ERAP2: variants seen among roughly 807,000 people sequenced by gnomAD.
ERAP2 encodes endoplasmic reticulum aminopeptidase 2.
In ERAP2, 118 loss-of-function variants were observed where a neutral mutation model predicts 111.1. That is an observed-to-expected ratio of 1.06 (90% confidence interval 0.92 to 1.24). The LOEUF (loss-of-function observed/expected upper bound fraction) is 1.24. Ranked by LOEUF, ERAP2 falls within the 50% of genes most tolerant of loss-of-function variation. The probability of loss-of-function intolerance (pLI) is 0.00; values close to 1 mark genes in which losing one functional copy is unlikely to be tolerated. For synonymous variants in ERAP2, 410 were observed against 401.2 expected (o/e 1.02, Z -0.26); for missense variants, 1,131 against 1,125.8 (o/e 1.00, Z -0.07).
chr5:96,887,395 G>T (rs1420549625), intron 4 of ERAP2, among the ~76,000 whole-genome samples: 1 of 151,286 alleles, frequency 6.6e-6, no homozygotes, highest in Non-Finnish European at 1.5e-5. Context: ...CCGCCTCCTG[G>T]ATTCAAGCAA....
chr5:96,915,997 T>C (rs2910688), intron 18 of ERAP2: 154,424 of 339,296 alleles, frequency 0.46, 36,238 homozygotes, highest in Non-Finnish European at 0.48. Context: ...CCAAGGCAGG[T>C]AGATCATGGG....
chr5:96,890,110 A>G lies in ERAP2; in HGVS notation c.970+805A>G, dbSNP rs576813346. 6.9e-4 allele frequency among the ~76,000 whole-genome samples: 105 copies of G among 152,306 alleles called. No homozygotes were observed. The South Asian group carries it at 0.02, about 29-fold the overall frequency. On this transcript the variant is annotated intron_variant, in intron 5 of 18. Coordinates refer to ENST00000437043, the MANE Select transcript of ERAP2 (RefSeq NM_022350.5). ...GGTCTTTACATGAGATGATACTCATAGTCTATCTTGCTTTTAATTTTCTAT... is the reference window on the plus strand; with the variant it reads ...GGTCTTTACATGAGATGATACTCATGGTCTATCTTGCTTTTAATTTTCTAT...
At chr5:96,883,695 T>C in intron 2 of ERAP2, 97 bp from the exon 3 acceptor site, 1 of 1,239,638 alleles carries the variant, frequency 8.1e-7, no homozygotes, top group Non-Finnish European at 1.1e-6. Flanking sequence ...TCAAGTCTAT[T>C]ACCCCCAGGT....
chr5:96,903,356 A>G (rs1581874008), intron 12 of ERAP2, 21 bp from the exon 13 acceptor site: 1 of 1,582,802 alleles, frequency 6.3e-7, no homozygotes, highest in Non-Finnish European at 8.6e-7. Flanking sequence ...TAAAATGCCT[A>G]TGCCAATCTT....
At position 96,909,121 on chromosome 5, in the gene ERAP2, T is replaced by C; in HGVS notation, c.2169+4T>C. Reference sequence around the variant, plus strand: ...AGATATCTCTGAAAACCTCAAGGTTTGTGTTGCTTTTAGAAAATGTATTAA... The same window carrying C: ...AGATATCTCTGAAAACCTCAAGGTTCGTGTTGCTTTTAGAAAATGTATTAA... On this transcript the variant is annotated splice_donor_region_variant and intron_variant, in intron 14 of 18. Transcript: ENST00000437043. 6.2e-7 allele frequency: 1 copy of C among 1,613,718 alleles called. No homozygotes were observed. Among genetic ancestry groups the C allele is most frequent in the Non-Finnish European group, 8.5e-7 (1 of 1,179,714 alleles).
At chr5:96,879,313 G>T (rs983123570) in intron 1 of ERAP2, among the ~76,000 whole-genome samples, 1 of 152,168 alleles carries the variant, frequency 6.6e-6, no homozygotes, top group East Asian at 1.9e-4. Flanking sequence ...CCTTCTGCTC[G>T]CTGCACAAGA....
At chr5:96,890,282 T>C (rs907913514) in intron 5 of ERAP2, among the ~76,000 whole-genome samples, 1 of 152,240 alleles carries the variant, frequency 6.6e-6, no homozygotes, top group Non-Finnish European at 1.5e-5. Flanking sequence ...CCTCAGAGCA[T>C]TGGGCATTAG....
chr5:96,883,736 C>T, intron 2 of ERAP2, 56 bp from the exon 3 acceptor site: 1 of 1,551,620 alleles, frequency 6.4e-7, no homozygotes, highest in Non-Finnish European at 8.7e-7. Context: ...TGTACAGATT[C>T]ATTTCTCTTC....
chr5:96,909,729 C>A lies in ERAP2; in HGVS notation c.2319C>A (p.Leu773=), dbSNP rs763962208. The A allele has an allele frequency of 6.2e-7, 1 of 1,614,182 alleles. No individual in the cohort carries two copies. The highest frequency in any genetic ancestry group is 1.1e-5 in the South Asian group (1 of 91,078). ...HAPCIQKAAE[L]FSQWMESSGK... ...CTTGCATCCAGAAAGCTGCTGAACTCTTCTCCCAGTGGATGGAATCCAGTG... is the reference window on the plus strand; with the variant it reads ...CTTGCATCCAGAAAGCTGCTGAACTATTCTCCCAGTGGATGGAATCCAGTG... Residue 773 remains leucine (L), a synonymous_variant, in exon 15 of 19, where the codon CTC becomes CTA. Coordinates refer to ENST00000437043, the MANE Select transcript of ERAP2 (RefSeq NM_022350.5).
chr5:96,917,626 G>A lies in ERAP2; in HGVS notation c.*21G>A. 1 of 1,602,514 alleles carries A rather than the reference G, an allele frequency of 6.2e-7. No homozygotes were observed. The highest frequency in any genetic ancestry group is 1.1e-5 in the South Asian group (1 of 90,088). ...CTTAAATGGTCAATAGAAAAAGTAG[G>A]CTGGGCGCGGTGGCTCACGCCTGTA... is the stretch of plus-strand genomic sequence containing the variant. On this transcript the variant is annotated 3_prime_UTR_variant, in exon 19 of 19. Transcript: ENST00000437043.
intron 3 of ERAP2, among the ~76,000 whole-genome samples, chr5:96,885,525 A>C (rs1783629426): frequency 1.3e-5 from 2 of 152,254 alleles, no homozygotes; most frequent in South Asian, 4.1e-4. Flanking sequence ...TAAATTCTGT[A>C]GAATTTAGTA....
intron 3 of ERAP2, 145 bp downstream of exon 3, chr5:96,884,075 T>TATCTATCC: frequency 1.7e-6 from 1 of 601,470 alleles, no homozygotes; most frequent in East Asian, 3.3e-5. Context: ...TCTATCTATC[T>TATCTATCC]ATCTATCATC....
chr5:96,888,577 A>G (rs1784004867), intron 4 of ERAP2, among the ~76,000 whole-genome samples: 1 of 152,256 alleles, frequency 6.6e-6, no homozygotes, highest in South Asian at 2.1e-4. Flanking sequence ...GTTTTGAAGG[A>G]CTTCAGTTAA....
In ERAP2 at chr5:96,900,163, T is replaced by C; in HGVS notation, c.1546T>C (p.Ser516Pro). 1 of 1,613,834 alleles carries C rather than the reference T, an allele frequency of 6.2e-7. No individual in the cohort carries two copies. The highest frequency in any genetic ancestry group is 2.2e-5 in the East Asian group (1 of 44,876). ...SDFTSGGVCHSDPKMTSNMLA... is the reference protein window; with the variant it reads ...SDFTSGGVCHPDPKMTSNMLA... ...TTTTACATCTGGTGGAGTTTGTCAT[T>C]CGGATCCCAAGATGACAAGTAACAT... The change falls in exon 10 of 19, where the codon TCG (serine) becomes CCG (proline). Residue 516 changes from serine (S) to proline (P), a missense_variant. This residue lies in a region of ERAP2 where 847 missense variants were observed against 856.5 expected (regional missense o/e 0.99). Transcript: ENST00000437043.
chr5:96,878,818 C>G (rs1782837115), intron 1 of ERAP2, among the ~76,000 whole-genome samples: 1 of 152,114 alleles, frequency 6.6e-6, no homozygotes, highest in Admixed American at 6.5e-5. Flanking sequence ...ATCCCAGCTA[C>G]TCGGGAGGCT....
chr5:96,890,862 T>A (rs1181127858), intron 5 of ERAP2, among the ~76,000 whole-genome samples: 1 of 152,098 alleles, frequency 6.6e-6, no homozygotes, highest in South Asian at 2.1e-4. Context: ...AGATCAAAAG[T>A]CAAGGAAAGA....
At chr5:96,903,665 A>T (rs955226027) in intron 13 of ERAP2, 105 bp downstream of exon 13, 2 of 1,073,842 alleles carry the variant, frequency 1.9e-6, no homozygotes, top group African/African-American at 3.2e-5. Context: ...TTTAATATGG[A>T]TTTGAATGGA....
chr5:96,891,396 TACAC>T (rs898034372), intron 5 of ERAP2, among the ~76,000 whole-genome samples: 5 of 149,764 alleles, frequency 3.3e-5, no homozygotes, highest in East Asian at 2.0e-4. Context: ...TGTGTATACA[TACAC>T]ACACACATAT....
chr5:96,896,852 A>C lies in ERAP2; in HGVS notation c.1492A>C (p.Ser498Arg), dbSNP rs1784909375. Residue 498 changes from serine to arginine, a missense_variant, in exon 9 of 19, where the codon AGT becomes CGT. Coordinates refer to ENST00000437043, the MANE Select transcript of ERAP2 (RefSeq NM_022350.5). ...TGCTAAGAATGATGACTTGTGGAGC[A>C]GTCTGTCAAATGTAAGTCATATGTT... ...RNAKNDDLWS[S>R]LSNSCLESDF... The C allele has an allele frequency of 1.9e-6, 2 of 1,032,950 alleles. No individual in the cohort carries two copies. Among genetic ancestry groups the C allele is most frequent in the Admixed American group, 8.3e-5 (2 of 24,142 alleles). The allele number at this position is 1,032,950 out of a possible 1,614,324, so 64.0% of individuals were successfully genotyped here.
Sources: allele counts gnomAD v4.1 joint callset (sites outside exome capture counted in the v4.1 genomes callset), GRCh38; gene constraint gnomAD v4.1.1; regional missense constraint gnomAD v4.1.1; transcripts MANE v1.5; gene names NCBI Gene and HGNC (gene_info 2026-07-23, HGNC 2026-07-21).